CACNA1C: variants seen among roughly 807,000 people sequenced by gnomAD.
CACNA1C encodes the protein calcium voltage-gated channel subunit alpha1 C, also known as voltage-dependent L-type calcium channel subunit alpha-1C.
A neutral mutation model predicts 229.0 loss-of-function variants in CACNA1C; 30 were observed. That is an observed-to-expected ratio of 0.13 (90% CI 0.10 to 0.18). The LOEUF (loss-of-function observed/expected upper bound fraction) is 0.18. Among genes scored for constraint, CACNA1C ranks in the 10% least tolerant of loss-of-function variants. The probability of loss-of-function intolerance (pLI) is 1.00; values close to 1 mark genes in which losing one functional copy is unlikely to be tolerated. For synonymous variants in CACNA1C, 1,114 were observed against 1,132.5 expected, an observed-to-expected ratio of 0.98 and a Z score of 0.33; for missense variants, 1,658 against 2,845.0, an observed-to-expected ratio of 0.58 and a Z score of 9.49.
At chr12:2,447,957 G>A (rs1275662640) in intron 3 of CACNA1C, among the ~76,000 whole-genome samples, 3 of 152,374 alleles carry the variant, frequency 2.0e-5, no homozygotes, top group African/African-American at 7.2e-5. Flanking sequence ...TGGGTGTTTC[G>A]TGGCTCCAGT....
chr12:2,426,921 C>T (rs1245541954), intron 3 of CACNA1C, among the ~76,000 whole-genome samples: 1 of 152,214 alleles, frequency 6.6e-6, no homozygotes, highest in African/African-American at 2.4e-5. Context: ...CTACGCTTAG[C>T]TGTTGCACAT....
At chr12:2,418,631 G>A (rs1035982762) in intron 3 of CACNA1C, among the ~76,000 whole-genome samples, 4 of 152,174 alleles carry the variant, frequency 2.6e-5, no homozygotes, top group East Asian at 1.9e-4. Flanking sequence ...GCATCATCCC[G>A]GGAAGGGCCC....
intron 13 of CACNA1C, among the ~76,000 whole-genome samples, chr12:2,571,265 G>A (rs1251819130): frequency 6.6e-6 from 1 of 152,208 alleles, no homozygotes; most frequent in African/African-American, 2.4e-5. Context: ...CCTAACCACT[G>A]CCATGCACTG....
rs571195991 is a variant in CACNA1C, at chr12:2,200,769, T to A, written c.477+80339T>A. ...GGATTGGGGAAAGCTTTCTGAGAGG[T>A]GGCATATGAGCTGGGACCCCTCCAG... On this transcript the variant is annotated intron_variant, in intron 3 of 46. Coordinates refer to ENST00000399655, the MANE Select transcript of CACNA1C (RefSeq NM_000719.7). Among the ~76,000 whole-genome samples, 172 of 152,166 alleles carry A rather than the reference T, an allele frequency of 1.1e-3. 1 individual carries two copies. The highest frequency in any genetic ancestry group is 3.8e-3 in the African/African-American group (157 of 41,514).
intron 3 of CACNA1C, among the ~76,000 whole-genome samples, chr12:2,408,378 G>A (rs1009546192): frequency 4.6e-5 from 7 of 152,180 alleles, no homozygotes; most frequent in Non-Finnish European, 2.9e-5. Flanking sequence ...CTTAAAAATG[G>A]CTAACGCAGT....
chr12:2,450,009 AG>A (rs760378468), intron 4 of CACNA1C, among the ~76,000 whole-genome samples: 3 of 152,186 alleles, frequency 2.0e-5, no homozygotes, highest in Non-Finnish European at 4.4e-5. Flanking sequence ...AGAAGGAAAC[AG>A]GGAACTATGA....
chr12:2,596,771 G>A (rs2153368905), intron 20 of CACNA1C, among the ~76,000 whole-genome samples: 1 of 152,262 alleles, frequency 6.6e-6, no homozygotes, highest in Admixed American at 6.5e-5. Context: ...AGGAATAGAT[G>A]TCCACCATCA....
chr12:2,688,877 C>A, intron 46 of CACNA1C, 98 bp downstream of exon 46: 1 of 987,942 alleles, frequency 1.0e-6, no homozygotes. Flanking sequence ...TTGCCAAATT[C>A]ATTGCAGTCA....
At chr12:2,308,724 A>G (rs2095246788) in intron 3 of CACNA1C, among the ~76,000 whole-genome samples, 1 of 152,246 alleles carries the variant, frequency 6.6e-6, no homozygotes, top group East Asian at 1.9e-4. Context: ...TCTAAAGAAG[A>G]CATGCAAATG....
chr12:2,444,011 G>A (rs184714745), intron 3 of CACNA1C, among the ~76,000 whole-genome samples: 5 of 152,266 alleles, frequency 3.3e-5, no homozygotes, highest in Admixed American at 1.3e-4. Flanking sequence ...TGTCCCAGAC[G>A]TTTCAACAAT....
intron 1 of CACNA1C, among the ~76,000 whole-genome samples, chr12:2,101,987 G>A (rs2076591445): frequency 6.6e-6 from 1 of 152,146 alleles, no homozygotes; most frequent in Admixed American, 6.5e-5. Flanking sequence ...TACGTTTTGA[G>A]TCATCCTTTT....
chr12:2,205,585 G>C (rs2097732515), intron 3 of CACNA1C, among the ~76,000 whole-genome samples: 1 of 152,108 alleles, frequency 6.6e-6, no homozygotes, highest in Non-Finnish European at 1.5e-5. Context: ...GCATGAGTTG[G>C]GGTCCTGTGC....
At chr12:2,521,398 C>G (rs1405615880) in intron 9 of CACNA1C, among the ~76,000 whole-genome samples, 1 of 152,154 alleles carries the variant, frequency 6.6e-6, no homozygotes, top group Non-Finnish European at 1.5e-5. Context: ...CGCTGGCTAG[C>G]CAGCCACCCT....
At chr12:2,528,141 C>A (rs762479960) in intron 9 of CACNA1C, among the ~76,000 whole-genome samples, 1 of 152,152 alleles carries the variant, frequency 6.6e-6, no homozygotes, top group South Asian at 2.1e-4. Flanking sequence ...GAACAATTGT[C>A]GTGTGCTATA....
intron 8 of CACNA1C, among the ~76,000 whole-genome samples, chr12:2,509,543 T>C (rs1453548159): frequency 2.6e-5 from 4 of 152,174 alleles, no homozygotes; most frequent in Non-Finnish European, 4.4e-5. Flanking sequence ...ATATGATTGA[T>C]TCATGAACAT....
intron 6 of CACNA1C, among the ~76,000 whole-genome samples, chr12:2,487,549 C>T (rs1016645447): frequency 1.1e-4 from 16 of 151,272 alleles, no homozygotes; most frequent in Non-Finnish European, 1.8e-4. Flanking sequence ...ACACACAAAA[C>T]GTATACTCCT....
intron 3 of CACNA1C, among the ~76,000 whole-genome samples, chr12:2,438,778 T>A (rs2099184224): frequency 6.6e-6 from 1 of 152,048 alleles, no homozygotes; most frequent in African/African-American, 2.4e-5. Context: ...GCTCTTTTAA[T>A]ATCCAAACAA....
At position 2,664,940 on chromosome 12, in the gene CACNA1C, A is replaced by C; in HGVS notation, c.4348A>C (p.Ser1450Arg). 6.2e-7 allele frequency: 1 copy of C among 1,614,190 alleles called. No individual in the cohort carries two copies. Among genetic ancestry groups the C allele is most frequent in the South Asian group, 1.1e-5 (1 of 91,086 alleles). Residue 1450 changes from serine to arginine, a missense_variant, in exon 35 of 47, where the codon AGC becomes CGC. This residue lies in a region of CACNA1C where 151 missense variants were observed against 344.4 expected (regional missense o/e 0.44). Coordinates refer to ENST00000399655, the MANE Select transcript of CACNA1C (RefSeq NM_000719.7). ...GGAGGGTGAAACACCCTGTGGTAGC[A>C]GCTTTGCTGTCTTCTACTTCATCAG... ...STEGETPCGS[S>R]FAVFYFISFY...
At chr12:2,565,702 A>C (rs562500720) in intron 11 of CACNA1C, among the ~76,000 whole-genome samples, 1 of 152,218 alleles carries the variant, frequency 6.6e-6, no homozygotes, top group Non-Finnish European at 1.5e-5. Context: ...GCTCTCAAGT[A>C]AAGGTGTGTG....
Sources: gnomAD v4.1 joint callset for allele counts (sites outside exome capture counted in the v4.1 genomes callset) on GRCh38, gnomAD v4.1.1 for gene constraint, gnomAD v4.1.1 regional missense constraint, MANE v1.5 for transcripts, NCBI Gene and HGNC (gene_info 2026-07-23, HGNC 2026-07-21) for gene names.